FER: variants seen among roughly 807,000 people sequenced by gnomAD.
FER encodes the protein FER tyrosine kinase.
A neutral mutation model predicts 111.0 loss-of-function variants in FER; 63 were observed. The ratio of observed to expected loss-of-function variants is 0.57; its 90% confidence interval spans 0.46 to 0.70. FER has a LOEUF of 0.70. Among genes scored for constraint, FER ranks in the 30% least tolerant of loss-of-function variants. The pLI, the probability that FER is intolerant of heterozygous loss-of-function variation, is 0.00. For synonymous variants in FER, 327 were observed against 313.9 expected (o/e 1.04, Z -0.44); for missense variants, 914 against 954.0 (o/e 0.96, Z 0.55).
At chr5:108,857,201 T>C (rs184700339) in intron 5 of FER, among the ~76,000 whole-genome samples, 2 of 152,296 alleles carry the variant, frequency 1.3e-5, no homozygotes, top group Admixed American at 1.3e-4. Context: ...AATGTATATT[T>C]ATTCAGTTGT....
At chr5:109,001,217 T>A (rs1475523135) in intron 13 of FER, among the ~76,000 whole-genome samples, 1 of 152,096 alleles carries the variant, frequency 6.6e-6, no homozygotes, top group Non-Finnish European at 1.5e-5. Context: ...GATGAACATT[T>A]GATGGGAAAA....
At chr5:109,115,854 C>T (rs1351135029) in intron 17 of FER, among the ~76,000 whole-genome samples, 1 of 151,996 alleles carries the variant, frequency 6.6e-6, no homozygotes, top group Non-Finnish European at 1.5e-5. Context: ...TCCTTTTCTT[C>T]TTACCCCTCT....
At chr5:109,143,902 C>T (rs1052383015) in intron 17 of FER, among the ~76,000 whole-genome samples, 1 of 150,978 alleles carries the variant, frequency 6.6e-6, no homozygotes, top group African/African-American at 2.4e-5. Context: ...TTGGGGTCAG[C>T]ACCTTTCTAG....
chr5:109,081,403 C>T (rs899977498), intron 16 of FER, among the ~76,000 whole-genome samples: 2 of 151,898 alleles, frequency 1.3e-5, no homozygotes, highest in African/African-American at 4.8e-5. Context: ...TAAGTGTAAT[C>T]GGGAACCTCT....
rs1365560942 is a variant in FER at position 108,757,272 on chromosome 5, C to T, written c.-206+9272C>T. Among the ~76,000 whole-genome samples, 3 of 152,174 alleles carry T rather than the reference C, an allele frequency of 2.0e-5. No homozygotes were observed. The East Asian group carries it at 5.8e-4, about 29-fold the overall frequency. On this transcript the variant is annotated intron_variant, in intron 1 of 19. Transcript: ENST00000281092. ...ATTAGAAGCAAGACCCTAAGATATT[C>T]ATGCTCCTGGCTAACAGTCTTGTGT...
At chr5:108,943,226 A>G (rs936155139) in intron 10 of FER, among the ~76,000 whole-genome samples, 1 of 152,154 alleles carries the variant, frequency 6.6e-6, no homozygotes, top group Non-Finnish European at 1.5e-5. Context: ...GGTTTTCATT[A>G]ATGATCAGCG....
At chr5:109,052,858 G>C (rs534496539) in intron 16 of FER, among the ~76,000 whole-genome samples, 1 of 152,252 alleles carries the variant, frequency 6.6e-6, no homozygotes, top group African/African-American at 2.4e-5. Flanking sequence ...TTTTCCTAAA[G>C]GCTGTTTGCA....
At chr5:109,012,619 C>G (rs11951282) in intron 13 of FER, among the ~76,000 whole-genome samples, 1,592 of 152,290 alleles carry the variant, frequency 0.01, 23 homozygotes, top group African/African-American at 0.036. Flanking sequence ...ATTGCGATGG[C>G]ACTACATCAG....
intron 5 of FER, among the ~76,000 whole-genome samples, chr5:108,866,190 G>A (rs1461892112): frequency 6.6e-6 from 1 of 152,176 alleles, no homozygotes; most frequent in Non-Finnish European, 1.5e-5. Context: ...CCAACCCAAT[G>A]TCCAACAGTG....
chr5:109,149,901 G>C (rs1230279761), intron 17 of FER, among the ~76,000 whole-genome samples: 1 of 152,132 alleles, frequency 6.6e-6, no homozygotes, highest in Non-Finnish European at 1.5e-5. Flanking sequence ...GTGAGCGGAA[G>C]GCCAGGGAGC....
At chr5:108,961,686 A>C (rs1233856626) in intron 13 of FER, among the ~76,000 whole-genome samples, 1 of 152,174 alleles carries the variant, frequency 6.6e-6, no homozygotes, top group Non-Finnish European at 1.5e-5. Context: ...CACTGATTTA[A>C]AGGTTCATGT....
At chr5:108,827,452 T>G (rs1759583942) in intron 3 of FER, among the ~76,000 whole-genome samples, 1 of 152,224 alleles carries the variant, frequency 6.6e-6, no homozygotes, top group Non-Finnish European at 1.5e-5. Flanking sequence ...TACCCATTTC[T>G]TCCATTCTTT....
At chr5:108,918,406 A>T (rs1752540755) in intron 10 of FER, among the ~76,000 whole-genome samples, 1 of 152,154 alleles carries the variant, frequency 6.6e-6, no homozygotes, top group South Asian at 2.1e-4. Flanking sequence ...TGGGCCTAAG[A>T]ATGCAGCTGT....
intron 4 of FER, 56 bp from the exon 5 acceptor site, chr5:108,835,652 T>C: frequency 8.5e-7 from 1 of 1,171,838 alleles, no homozygotes; most frequent in Non-Finnish European, 1.2e-6. Context: ...TTTAAGTTCT[T>C]GAGCAATTTA....
chr5:109,129,883 C>T (rs957448642), intron 17 of FER, among the ~76,000 whole-genome samples: 2 of 151,954 alleles, frequency 1.3e-5, no homozygotes, highest in Admixed American at 1.3e-4. Flanking sequence ...TTTATAATGA[C>T]AAATTTTTGG....
At chr5:109,167,816 C>T (rs149188580) in intron 17 of FER, among the ~76,000 whole-genome samples, 10 of 152,152 alleles carry the variant, frequency 6.6e-5, no homozygotes, top group Non-Finnish European at 1.5e-4. Context: ...GGATTGTTGC[C>T]TATAGTCTAG....
At chr5:109,054,777 G>T (rs1047505434) in intron 16 of FER, among the ~76,000 whole-genome samples, 9 of 152,140 alleles carry the variant, frequency 5.9e-5, no homozygotes, top group Non-Finnish European at 1.0e-4. Context: ...GTGGGAAATG[G>T]TTAGAAGTTT....
chr5:108,827,144 G>C (rs1429221779), intron 3 of FER, among the ~76,000 whole-genome samples: 1 of 152,198 alleles, frequency 6.6e-6, no homozygotes, highest in East Asian at 1.9e-4. Flanking sequence ...TAAAAGTTGG[G>C]ATTCCAACAG....
chr5:109,043,846 C>T (rs150621545), intron 14 of FER, among the ~76,000 whole-genome samples: 6,914 of 151,936 alleles, frequency 0.046, 243 homozygotes, highest in South Asian at 0.11. Context: ...TGGTGTGCGC[C>T]TGTAGTCCCA....
Sources: allele counts gnomAD v4.1 joint callset (sites outside exome capture counted in the v4.1 genomes callset), GRCh38; gene constraint gnomAD v4.1.1; transcripts MANE v1.5; gene names NCBI Gene and HGNC (gene_info 2026-07-23, HGNC 2026-07-21).